EP400: variants seen among roughly 807,000 people sequenced by gnomAD.
The protein encoded by EP400 is E1A binding protein p400.
EP400 carries 105 observed loss-of-function variants against 354.1 expected under a neutral mutation model. The observed-to-expected ratio is 0.30, with a 90% CI of 0.25 to 0.35. EP400 has a LOEUF of 0.35. EP400 is among the 10% of genes least tolerant of loss of function. The pLI, the probability that EP400 is intolerant of heterozygous loss-of-function variation, is 1.00. For synonymous variants in EP400, 1,646 were observed against 1,716.9 expected, an observed-to-expected ratio of 0.96 and a Z score of 1.02; for missense variants, 3,280 against 4,121.0, an observed-to-expected ratio of 0.80 and a Z score of 5.59.
intron 12 of EP400, among the ~76,000 whole-genome samples, chr12:132,001,549 T>C (rs948657744): frequency 2.0e-5 from 3 of 152,136 alleles, no homozygotes; most frequent in African/African-American, 7.2e-5. Context: ...GCCTGACTGA[T>C]GTCAGGGCCT....
At chr12:132,016,357 CT>C (rs971352716) in intron 19 of EP400, among the ~76,000 whole-genome samples, 2 of 151,482 alleles carry the variant, frequency 1.3e-5, no homozygotes, top group African/African-American at 2.4e-5. Flanking sequence ...AGCCCTCCTG[CT>C]TTTTTTTTCT....
rs1894423054 is a variant in EP400 at position 132,029,712 on chromosome 12, T to A, written c.5393T>A (p.Val1798Glu). The change falls in exon 28 of 53, where the codon GTG (valine) becomes GAG (glutamate). Residue 1798 changes from valine (V) to glutamate (E), a missense_variant. Around this residue, in one of 20 missense-constraint regions of EP400, gnomAD observed 459 missense variants for 496.9 expected, o/e 0.92. Coordinates refer to ENST00000389561, the MANE Select transcript of EP400 (RefSeq NM_015409.5). This position sits in a 1 kb window ranked among gnomAD's most constrained non-coding sequence, Gnocchi z 4.7. ...LQDVIDRVAF[V>E]IPPVVAAPPS... is the part of the protein sequence containing the mutation. Reference sequence around the variant, plus strand: ...TTTCTGCTCCTCAGGGTGGCCTTTGTGATTCCTCCGGTGGTGGCAGCACCC... The same window carrying A: ...TTTCTGCTCCTCAGGGTGGCCTTTGAGATTCCTCCGGTGGTGGCAGCACCC... 6.2e-7 allele frequency: 1 copy of A among 1,612,418 alleles called. No homozygotes were observed. Among genetic ancestry groups the A allele is most frequent in the East Asian group, 2.2e-5 (1 of 44,874 alleles).
intron 1 of EP400, among the ~76,000 whole-genome samples, chr12:131,955,030 G>T (rs953096593): frequency 9.9e-5 from 15 of 152,040 alleles, no homozygotes; most frequent in Non-Finnish European, 1.5e-4. Flanking sequence ...GTCAAAAAAA[G>T]AGAAAAAATT....
At chr12:132,059,027 T>C (rs1191215831) in intron 45 of EP400, among the ~76,000 whole-genome samples, 1 of 152,120 alleles carries the variant, frequency 6.6e-6, no homozygotes, top group Non-Finnish European at 1.5e-5. Context: ...GAACTGAAGT[T>C]ATTGGATAAA....
rs1283206163 is a variant in EP400 at position 132,050,550 on chromosome 12, C to A, written c.7338-49C>A. The A allele has an allele frequency of 1.2e-6, 2 of 1,613,480 alleles. No homozygotes were observed. The highest frequency in any genetic ancestry group is 1.7e-5 in the Admixed American group (1 of 59,996). ...GATGTGTTTTTAACATACCCTTCTT[C>A]AGATATTTCCTTTATTTAATAATTG... On this transcript the variant is annotated intron_variant, in intron 40 of 52. Coordinates refer to ENST00000389561, the MANE Select transcript of EP400 (RefSeq NM_015409.5). This position sits in a 1 kb window ranked among gnomAD's most constrained non-coding sequence, Gnocchi z 4.8.
At chr12:132,069,342 A>G (rs972969398) in intron 50 of EP400, 153 bp from the exon 51 acceptor site, 45 of 1,056,742 alleles carry the variant, frequency 4.3e-5, no homozygotes, top group Admixed American at 2.1e-4. Context: ...GGGATGGGAC[A>G]GGGGGCAGGA....
rs79569604 is a variant in EP400 at position 132,007,074 on chromosome 12, C to T, written c.3304+197C>T. Among the ~76,000 whole-genome samples the T allele has an allele frequency of 1.5e-3, 235 of 152,320 alleles. 4 individuals are homozygous for T. The East Asian group carries it at 0.042, about 27-fold the overall frequency. ...CTGGTTCACAGTTAACATCCAGTAA[C>T]AATTAGTGAAAATCTAATAAAATAC... On this transcript the variant is annotated intron_variant, in intron 15 of 52. Coordinates refer to ENST00000389561, the MANE Select transcript of EP400 (RefSeq NM_015409.5).
chr12:131,968,680 A>G (rs992730369), intron 2 of EP400, among the ~76,000 whole-genome samples: 6 of 152,206 alleles, frequency 3.9e-5, no homozygotes, highest in Non-Finnish European at 8.8e-5. Context: ...TATCTTAACA[A>G]TATGAGTCTT....
chr12:132,028,457 A>T (rs1350692291), intron 27 of EP400, among the ~76,000 whole-genome samples, 169 bp downstream of exon 27: 1 of 152,028 alleles, frequency 6.6e-6, no homozygotes, highest in Non-Finnish European at 1.5e-5. Flanking sequence ...TTGGGATCAG[A>T]TGGTTTTGTT....
chr12:132,043,506 G>T (rs769027297), intron 33 of EP400, 44 bp downstream of exon 33: 1 of 1,595,648 alleles, frequency 6.3e-7, no homozygotes, highest in South Asian at 1.2e-5. Flanking sequence ...TTAAAAATTT[G>T]ACGCTTCTAT....
At chr12:132,001,215 C>T (rs1400796843) in intron 12 of EP400, among the ~76,000 whole-genome samples, 1 of 151,926 alleles carries the variant, frequency 6.6e-6, no homozygotes, top group Non-Finnish European at 1.5e-5. Flanking sequence ...GAATGTCTGG[C>T]TGCGCTATTA....
In EP400 at chr12:132,037,692, G is replaced by A; in HGVS notation, c.5962G>A (p.Gly1988Ser). Residue 1988 changes from glycine to serine, a missense_variant, in exon 31 of 53, where the codon GGC becomes AGC. By Grantham distance (56) the Gly-to-Ser change is moderately conservative. Coordinates refer to ENST00000389561, the MANE Select transcript of EP400 (RefSeq NM_015409.5). ...KDIHIYRLVS[G>S]NSIEEKLLKN... ...ATCTTTTGTTTGCAGGCTTGTGAGT[G>A]GCAATTCCATTGAAGAGAAATTGTT... is the stretch of plus-strand genomic sequence containing the variant. 2 of 1,614,042 alleles carry A rather than the reference G, an allele frequency of 1.2e-6. No homozygotes were observed. Among genetic ancestry groups the A allele is most frequent in the Non-Finnish European group, 1.7e-6 (2 of 1,179,878 alleles).
chr12:132,025,881 C>T lies in EP400; in HGVS notation c.5014+77C>T. ...CCATCTAAGGCGAGTGGAAAGCATT[C>T]ATGTGTCTTTGACTGTATCTCAGAA... On this transcript the variant is annotated intron_variant, in intron 25 of 52. Coordinates refer to ENST00000389561, the MANE Select transcript of EP400 (RefSeq NM_015409.5). The surrounding 1 kb of genome is among the most constrained non-coding windows in gnomAD (Gnocchi z 4.1). 6.9e-7 allele frequency: 1 copy of T among 1,453,236 alleles called. No individual in the cohort carries two copies. Among genetic ancestry groups the T allele is most frequent in the South Asian group, 1.4e-5 (1 of 69,072 alleles). 90.0% of individuals were successfully genotyped at this position (1,453,236 alleles called of 1,614,324 possible).
chr12:132,076,902 C>T (rs1855243613), intron 52 of EP400, among the ~76,000 whole-genome samples: 1 of 152,202 alleles, frequency 6.6e-6, no homozygotes, highest in Non-Finnish European at 1.5e-5. Context: ...AGGCCTCAGG[C>T]AAGCAGGCTC....
chr12:131,951,453 C>G (rs1355782889), intron 1 of EP400, among the ~76,000 whole-genome samples: 1 of 152,094 alleles, frequency 6.6e-6, no homozygotes, highest in Non-Finnish European at 1.5e-5. Context: ...AGTGCTGGGA[C>G]TGTAGGCGTG....
intron 13 of EP400, 140 bp from the exon 14 acceptor site, chr12:132,005,972 G>T: frequency 2.6e-6 from 2 of 773,020 alleles, no homozygotes; most frequent in Non-Finnish European, 4.0e-6. Context: ...TAGATATTTT[G>T]GATTACAAAT....
chr12:131,967,894 A>AT (rs923388733), intron 2 of EP400, among the ~76,000 whole-genome samples: 4 of 152,012 alleles, frequency 2.6e-5, no homozygotes, highest in Non-Finnish European at 1.5e-5. Flanking sequence ...AAAGTTGAGC[A>AT]TTTTTTCATT....
chr12:132,001,212 T>G (rs1893399459), intron 12 of EP400, among the ~76,000 whole-genome samples: 1 of 151,972 alleles, frequency 6.6e-6, no homozygotes, highest in Non-Finnish European at 1.5e-5. Flanking sequence ...CCCGAATGTC[T>G]GGCTGCGCTA....
intron 47 of EP400, among the ~76,000 whole-genome samples, chr12:132,063,847 G>A (rs1235527027): frequency 1.3e-5 from 2 of 152,148 alleles, no homozygotes; most frequent in South Asian, 2.1e-4. Flanking sequence ...GGCAGCCCCC[G>A]CCTAGCCCAC....
Sources: gnomAD v4.1 joint callset for allele counts (sites outside exome capture counted in the v4.1 genomes callset) on GRCh38, gnomAD v4.1.1 for gene constraint, gnomAD v4.1.1 regional missense constraint, Gnocchi (gnomAD v3.1) non-coding constraint, MANE v1.5 for transcripts, NCBI Gene and HGNC (gene_info 2026-07-23, HGNC 2026-07-21) for gene names.